The following CCNY variants were observed in gnomAD, a reference collection of about 807,000 sequenced individuals.
The protein encoded by CCNY is cyclin Y.
CCNY carries 19 observed loss-of-function variants against 42.8 expected under a neutral mutation model. The observed-to-expected ratio is 0.44, with a 90% CI of 0.31 to 0.65. The LOEUF (loss-of-function observed/expected upper bound fraction) is 0.65. CCNY is among the 30% of genes least tolerant of loss of function. The probability of loss-of-function intolerance (pLI) is 0.07; values close to 1 mark genes in which losing one functional copy is unlikely to be tolerated. For synonymous variants in CCNY, 165 were observed against 162.7 expected (o/e 1.01, Z -0.11); for missense variants, 370 against 437.3 (o/e 0.85, Z 1.37).
At chr10:35,471,383 A>G (rs1839389112) in intron 1 of CCNY, among the ~76,000 whole-genome samples, 2 of 152,146 alleles carry the variant, frequency 1.3e-5, no homozygotes, top group African/African-American at 4.8e-5. Context: ...CAGACCATTA[A>G]TGATAGCTTA....
chr10:35,432,336 C>G (rs1447409120), intron 1 of CCNY, among the ~76,000 whole-genome samples: 1 of 152,272 alleles, frequency 6.6e-6, no homozygotes, highest in Middle Eastern at 3.4e-3. Context: ...TGAGATTATA[C>G]CAAAGAACCT....
At position 35,572,000 on chromosome 10, in the gene CCNY, G is replaced by C. The variant is rs566608733; in HGVS notation, c.*2830G>C. The C allele has an allele frequency of 2.6e-5, 4 of 150,972 alleles. No homozygotes were observed. The East Asian group carries it at 5.8e-4, about 22-fold the overall frequency. The allele number at this position is 150,972 out of a possible 1,614,324, so 9.4% of individuals were successfully genotyped here. A position where few individuals can be genotyped will look rare whatever the true frequency, so the allele number is the denominator to read the frequency against. ...TTAACTAGAAAAAGGGAAAGAAGAAGTCAGGAGTTTAAAACCAAATTGGAG... is the reference window on the plus strand; with the variant it reads ...TTAACTAGAAAAAGGGAAAGAAGAACTCAGGAGTTTAAAACCAAATTGGAG... On this transcript the variant is annotated 3_prime_UTR_variant, in exon 10 of 10. Transcript: ENST00000374704.
chr10:35,301,374 T>C (rs1322904134), intron 3 of CCNY, among the ~76,000 whole-genome samples: 1 of 152,178 alleles, frequency 6.6e-6, no homozygotes, highest in East Asian at 1.9e-4. Context: ...TGAGAGACAG[T>C]GTGAAGACTT....
At chr10:35,321,613 G>A (rs1420434771) in intron 3 of CCNY, among the ~76,000 whole-genome samples, 1 of 152,056 alleles carries the variant, frequency 6.6e-6, no homozygotes, top group East Asian at 1.9e-4. Context: ...GGGTGGTTGA[G>A]GATGCAATGA....
chr10:35,428,202 G>A (rs927940250), intron 1 of CCNY, among the ~76,000 whole-genome samples: 1 of 152,168 alleles, frequency 6.6e-6, no homozygotes, highest in African/African-American at 2.4e-5. Context: ...GGAGAGATGG[G>A]CATTCACAAC....
chr10:35,462,302 C>G (rs1165389660), intron 1 of CCNY, among the ~76,000 whole-genome samples: 1 of 152,214 alleles, frequency 6.6e-6, no homozygotes, highest in Non-Finnish European at 1.5e-5. Context: ...TCCTGGCTCA[C>G]CAGTGGCAGA....
chr10:35,430,336 CAAAAAAAAAAAAAA>C lies in CCNY; in HGVS notation c.155-53056_155-53043del, dbSNP rs397954370. On this transcript the variant is annotated intron_variant, in intron 1 of 9. Coordinates refer to ENST00000374704, the MANE Select transcript of CCNY (RefSeq NM_145012.6). ...TGGGCGACAGAGCGAGACTCCGTCTCAAAAAAAAAAAAAAAAAAAAAAAAAGTGATGAGATGTTG... is the reference window on the plus strand; with the variant it reads ...TGGGCGACAGAGCGAGACTCCGTCTCAAAAAAAAAAAGTGATGAGATGTTG... 1.1e-4 allele frequency among the ~76,000 whole-genome samples: 6 copies of C among 55,578 alleles called. No individual in the cohort carries two copies. The East Asian group carries it at 4.2e-3, about 39-fold the overall frequency. The allele number at this position is 55,578 out of a possible 152,430, so 36.5% of individuals were successfully genotyped here. A position where few individuals can be genotyped will look rare whatever the true frequency, so the allele number is the denominator to read the frequency against.
intron 1 of CCNY, among the ~76,000 whole-genome samples, chr10:35,468,098 A>T (rs1313668071): frequency 6.6e-6 from 1 of 152,254 alleles, no homozygotes; most frequent in Non-Finnish European, 1.5e-5. Context: ...CAGTTCAGGA[A>T]GCTGGTAGAT....
intron 1 of CCNY, among the ~76,000 whole-genome samples, chr10:35,468,010 A>C (rs924756520): frequency 2.6e-5 from 4 of 152,190 alleles, no homozygotes; most frequent in Non-Finnish European, 4.4e-5. Flanking sequence ...GATTTCATTG[A>C]CCATGTTAGC....
intron 1 of CCNY, among the ~76,000 whole-genome samples, chr10:35,416,191 G>T (rs1186562807): frequency 6.6e-6 from 1 of 151,900 alleles, no homozygotes; most frequent in Admixed American, 6.6e-5. Context: ...GTGTGTGTGT[G>T]TGTCCTTGTA....
chr10:35,412,261 T>C (rs1837922977), intron 1 of CCNY, among the ~76,000 whole-genome samples: 1 of 152,184 alleles, frequency 6.6e-6, no homozygotes, highest in Admixed American at 6.5e-5. Context: ...TAATCCAATC[T>C]ACAGCAGATG....
At chr10:35,313,138 T>A (rs1835709576) in intron 3 of CCNY, among the ~76,000 whole-genome samples, 1 of 152,060 alleles carries the variant, frequency 6.6e-6, no homozygotes, top group Admixed American at 6.6e-5. Flanking sequence ...TTTCACATGA[T>A]CCTGAAATGG....
At chr10:35,295,180 T>A (rs1041318326) in intron 3 of CCNY, among the ~76,000 whole-genome samples, 1 of 151,754 alleles carries the variant, frequency 6.6e-6, no homozygotes, top group Non-Finnish European at 1.5e-5. Flanking sequence ...ATAAAAGTTA[T>A]CTAATTTGTT....
intron 5 of CCNY, among the ~76,000 whole-genome samples, chr10:35,528,896 T>C (rs376483829): frequency 3.3e-5 from 5 of 152,360 alleles, no homozygotes; most frequent in African/African-American, 1.2e-4. Context: ...TCTGAAGTTC[T>C]GAAGCCTGAC....
intron 1 of CCNY, among the ~76,000 whole-genome samples, chr10:35,361,051 G>A (rs1430738467): frequency 1.3e-5 from 2 of 152,024 alleles, no homozygotes; most frequent in Non-Finnish European, 2.9e-5. Context: ...AGTAGACGGG[G>A]TTTCGTCATG....
chr10:35,450,001 T>G (rs1207691293), intron 1 of CCNY, among the ~76,000 whole-genome samples: 1 of 152,078 alleles, frequency 6.6e-6, no homozygotes, highest in Non-Finnish European at 1.5e-5. Flanking sequence ...GATGGGGAGT[T>G]AGATTTAATC....
At chr10:35,375,731 G>T (rs1462263637) in intron 1 of CCNY, among the ~76,000 whole-genome samples, 6 of 152,154 alleles carry the variant, frequency 3.9e-5, no homozygotes, top group Non-Finnish European at 5.9e-5. Context: ...TGGGATTCTG[G>T]AGCAGCACAA....
At chr10:35,469,742 A>C (rs1839347540) in intron 1 of CCNY, among the ~76,000 whole-genome samples, 1 of 150,308 alleles carries the variant, frequency 6.7e-6, no homozygotes, top group Non-Finnish European at 1.5e-5. Flanking sequence ...AGAGACAGGG[A>C]AATGGGGAGA....
intron 7 of CCNY, among the ~76,000 whole-genome samples, chr10:35,534,163 A>G (rs1332928549): frequency 3.3e-5 from 5 of 152,150 alleles, no homozygotes; most frequent in African/African-American, 1.2e-4. Flanking sequence ...CTGGGATTAC[A>G]GGCTTGCGCC....
Sources: gnomAD v4.1 joint callset for allele counts (sites outside exome capture counted in the v4.1 genomes callset) on GRCh38, gnomAD v4.1.1 for gene constraint, MANE v1.5 for transcripts, NCBI Gene and HGNC (gene_info 2026-07-23, HGNC 2026-07-21) for gene names.